The following FOXK1 variants were observed in gnomAD, a reference collection of about 807,000 sequenced individuals.
FOXK1 encodes the protein forkhead box protein K1.
A neutral mutation model predicts 51.9 loss-of-function variants in FOXK1; 19 were observed. The ratio of observed to expected loss-of-function variants is 0.37; its 90% CI spans 0.26 to 0.54. The LOEUF is 0.54. FOXK1 is among the 20% of genes least tolerant of loss of function. The pLI is 0.87. For synonymous variants in FOXK1, 537 were observed against 482.6 expected (o/e 1.11, Z -1.48); for missense variants, 870 against 1,032.7 (o/e 0.84, Z 2.16).
rs553540460 is a variant in FOXK1, at chr7:4,729,360, G to A, written c.561-11478G>A. Reference sequence around the variant, plus strand: ...GTCATCTGGGGGTCCCTTAGCCTCCGCAGAGTAAAGCTGTGGGAGTCACCA... The same window carrying A: ...GTCATCTGGGGGTCCCTTAGCCTCCACAGAGTAAAGCTGTGGGAGTCACCA... On this transcript the variant is annotated intron_variant, in intron 1 of 8. Transcript: ENST00000328914. The surrounding 1 kb of genome is among the most constrained non-coding windows in gnomAD (Gnocchi z 6.2). Among the ~76,000 whole-genome samples, 9 of 152,300 alleles carry A rather than the reference G, an allele frequency of 5.9e-5. No homozygotes were observed. In the South Asian group the frequency reaches 6.2e-4, roughly 11 times the overall value.
At position 4,707,391 on chromosome 7, in the gene FOXK1, C is replaced by T. The variant is rs1780115949; in HGVS notation, c.560+24523C>T. Among the ~76,000 whole-genome samples, 2 of 152,222 alleles carry T rather than the reference C, an allele frequency of 1.3e-5. 1 individual carries two copies. Among genetic ancestry groups the T allele is most frequent in the South Asian group, 4.1e-4 (2 of 4,834 alleles). On this transcript the variant is annotated intron_variant, in intron 1 of 8. Transcript: ENST00000328914. This position sits in a 1 kb window ranked among gnomAD's most constrained non-coding sequence, Gnocchi z 4.1. ...ACATAACAATTAAGCTAGTTTAGTA[C>T]ATCCGGCAATGCTGCTGAAAGCAGG...
Position 4,758,973 on chromosome 7 carries a change from A to C in FOXK1, c.1245-78A>C, listed in dbSNP as rs1216707350. 1.4e-6 allele frequency: 2 copies of C among 1,460,148 alleles called. No individual in the cohort carries two copies. The highest frequency in any genetic ancestry group is 1.4e-5 in the African/African-American group (1 of 70,814). The allele number at this position is 1,460,148 out of a possible 1,614,324, so 90.4% of individuals were successfully genotyped here. ...GGAGCGTGGGCGGGTGACGGCGCTG[A>C]GATGCGTGATGTCTCGGAAACGTCC... On this transcript the variant is annotated intron_variant, in intron 5 of 8. Coordinates refer to ENST00000328914, the MANE Select transcript of FOXK1 (RefSeq NM_001037165.2). This position sits in a 1 kb window ranked among gnomAD's most constrained non-coding sequence, Gnocchi z 4.4.
rs1043575999 is a variant in FOXK1 at position 4,715,382 on chromosome 7, G to A, written c.561-25456G>A. 3.3e-5 allele frequency among the ~76,000 whole-genome samples: 5 copies of A among 152,110 alleles called. No individual in the cohort carries two copies. Among genetic ancestry groups the A allele is most frequent in the African/African-American group, 1.2e-4 (5 of 41,416 alleles). On this transcript the variant is annotated intron_variant, in intron 1 of 8. Coordinates refer to ENST00000328914, the MANE Select transcript of FOXK1 (RefSeq NM_001037165.2). This position sits in a 1 kb window ranked among gnomAD's most constrained non-coding sequence, Gnocchi z 4.5. ...GGGCGCTCAGCTGTGGGTGGCCCGTGTACAGGAATGGGATCGCACGGTGGT... is the reference window on the plus strand; with the variant it reads ...GGGCGCTCAGCTGTGGGTGGCCCGTATACAGGAATGGGATCGCACGGTGGT...
intron 1 of FOXK1, among the ~76,000 whole-genome samples, chr7:4,693,172 T>C (rs1315882421): frequency 6.6e-6 from 1 of 152,230 alleles, no homozygotes; most frequent in African/African-American, 2.4e-5. Context: ...TTGATTGAGT[T>C]ATGCAGATCT....
intron 1 of FOXK1, among the ~76,000 whole-genome samples, chr7:4,724,423 T>C (rs950746974): frequency 3.3e-5 from 5 of 152,212 alleles, no homozygotes; most frequent in African/African-American, 7.2e-5. Flanking sequence ...CTCGAACTCC[T>C]GTTCTCAAGT....
Position 4,706,042 on chromosome 7 carries a change from ACG to A in FOXK1, c.560+23175_560+23176del, listed in dbSNP as rs1491242112. 3.8e-4 allele frequency among the ~76,000 whole-genome samples: 44 copies of A among 116,800 alleles called. 1 individual carries two copies. The highest frequency in any genetic ancestry group is 6.6e-4 in the Non-Finnish European group (42 of 63,634). 76.6% of individuals were successfully genotyped at this position (116,800 alleles called of 152,430 possible). On this transcript the variant is annotated intron_variant, in intron 1 of 8. Coordinates refer to ENST00000328914, the MANE Select transcript of FOXK1 (RefSeq NM_001037165.2). ...TATATACGTGTATATACGTGTATAT[ACG>A]TGTATATATGTATATATATGTGTAT... is the stretch of plus-strand genomic sequence containing the variant.
Position 4,701,410 on chromosome 7 carries a change from G to A in FOXK1, c.560+18542G>A, listed in dbSNP as rs537976881. Among the ~76,000 whole-genome samples, 4 of 152,222 alleles carry A rather than the reference G, an allele frequency of 2.6e-5. No homozygotes were observed. The East Asian group carries it at 7.7e-4, about 29-fold the overall frequency. ...TTTAGCCACCGTGCCCAGCCAATTC[G>A]TATGTATTTTAAGGTATTTTTTTAA... On this transcript the variant is annotated intron_variant, in intron 1 of 8. Transcript: ENST00000328914.
intron 2 of FOXK1, among the ~76,000 whole-genome samples, chr7:4,741,921 C>A (rs1213635076): frequency 6.6e-6 from 1 of 152,220 alleles, no homozygotes; most frequent in Non-Finnish European, 1.5e-5. Flanking sequence ...TGGCCCTGGT[C>A]CTGTCATACA....
In FOXK1 at chr7:4,729,935, A is replaced by G; in HGVS notation, c.561-10903A>G. 6.6e-6 allele frequency among the ~76,000 whole-genome samples: 1 copy of G among 152,110 alleles called. No individual in the cohort carries two copies. Among genetic ancestry groups the G allele is most frequent in the African/African-American group, 2.4e-5 (1 of 41,394 alleles). On this transcript the variant is annotated intron_variant, in intron 1 of 8. Transcript: ENST00000328914. The surrounding 1 kb of genome is among the most constrained non-coding windows in gnomAD (Gnocchi z 6.2). ...AACCCGGAAGGTGGAGTTTGCAGTGAGCTGAGATCCAGCCACTGCCCTCCA... is the reference window on the plus strand; with the variant it reads ...AACCCGGAAGGTGGAGTTTGCAGTGGGCTGAGATCCAGCCACTGCCCTCCA...
chr7:4,690,191 C>T lies in FOXK1; in HGVS notation c.560+7323C>T, dbSNP rs184302794. On this transcript the variant is annotated intron_variant, in intron 1 of 8. Transcript: ENST00000328914. The stretch of plus-strand genomic sequence containing the variant: ...GGAGCAGATCCAGGTGCAGGATCTG[C>T]TGAAGGAAGGAATGTTCCCGTTGGG... 3.5e-4 allele frequency among the ~76,000 whole-genome samples: 53 copies of T among 152,282 alleles called. 1 individual carries two copies. The highest frequency in any genetic ancestry group is 1.2e-3 in the African/African-American group (51 of 41,552).
chr7:4,762,745 T>C lies in FOXK1; in HGVS notation c.*281T>C. 2.3e-6 allele frequency: 1 copy of C among 427,302 alleles called. No homozygotes were observed. Among genetic ancestry groups the C allele is most frequent in the Admixed American group, 3.7e-5 (1 of 27,352 alleles). The allele number at this position is 427,302 out of a possible 1,614,324, so 26.5% of individuals were successfully genotyped here. On this transcript the variant is annotated 3_prime_UTR_variant, in exon 9 of 9. Transcript: ENST00000328914. The surrounding 1 kb of genome is among the most constrained non-coding windows in gnomAD (Gnocchi z 5.7). ...CGGCACCACCTCCTCTCCCCAGGCC[T>C]CCCTGTCGGGCATGGGGAGGAGGTT... is the stretch of plus-strand genomic sequence containing the variant.
chr7:4,700,776 C>T (rs1380976872), intron 1 of FOXK1, among the ~76,000 whole-genome samples: 2 of 152,026 alleles, frequency 1.3e-5, no homozygotes, highest in Admixed American at 6.6e-5. Context: ...ATAATCGCAC[C>T]ACTACACTGC....
intron 1 of FOXK1, among the ~76,000 whole-genome samples, chr7:4,724,018 C>G (rs1780347273): frequency 6.6e-6 from 1 of 152,086 alleles, no homozygotes; most frequent in Admixed American, 6.6e-5. Context: ...CTGCTGCCTA[C>G]TTTTTCGAGG....
In FOXK1 at chr7:4,715,548, A is replaced by T. The variant is rs946835799; in HGVS notation, c.561-25290A>T. Among the ~76,000 whole-genome samples the T allele has an allele frequency of 6.6e-6, 1 of 152,182 alleles. No homozygotes were observed. The highest frequency in any genetic ancestry group is 1.5e-5 in the Non-Finnish European group (1 of 68,034). On this transcript the variant is annotated intron_variant, in intron 1 of 8. Transcript: ENST00000328914. The surrounding 1 kb of genome is among the most constrained non-coding windows in gnomAD (Gnocchi z 4.5). Reference sequence around the variant, plus strand: ...TTCATCTATCAGCAGTCAGCTTTCCACTTAAGCAGAGCCAAGTTTAGAATG... The same window carrying T: ...TTCATCTATCAGCAGTCAGCTTTCCTCTTAAGCAGAGCCAAGTTTAGAATG...
At chr7:4,746,072 C>T (rs1325801029) in intron 2 of FOXK1, among the ~76,000 whole-genome samples, 1 of 152,100 alleles carries the variant, frequency 6.6e-6, no homozygotes, top group African/African-American at 2.4e-5. Flanking sequence ...CTCATGAGGG[C>T]AAGACTTCAA....
intron 7 of FOXK1, chr7:4,759,958 G>T (rs1388316996): frequency 6.5e-6 from 2 of 305,390 alleles, no homozygotes; most frequent in Non-Finnish European, 1.2e-5. Context: ...TTGAAGCCTG[G>T]AGGCAGAGGT....
rs1270195733 is a variant in FOXK1 at position 4,745,406 on chromosome 7, T to G, written c.746+4383T>G. On this transcript the variant is annotated intron_variant, in intron 2 of 8. Transcript: ENST00000328914. This position sits in a 1 kb window ranked among gnomAD's most constrained non-coding sequence, Gnocchi z 4.3. ...CCCCGCGCCACCCTGCGTCCTTCCT[T>G]TCCGTTTCTCGCAGGCCCTCGCTCC... 6.6e-6 allele frequency among the ~76,000 whole-genome samples: 1 copy of G among 152,028 alleles called. No individual in the cohort carries two copies.
chr7:4,759,531 C>CGCG lies in FOXK1; in HGVS notation c.1637_1639dup (p.Ala546dup). 2 of 1,561,040 alleles carry CGCG rather than the reference C, an allele frequency of 1.3e-6. No homozygotes were observed. Among genetic ancestry groups the CGCG allele is most frequent in the Non-Finnish European group, 1.7e-6 (2 of 1,159,722 alleles). On this transcript the variant is annotated inframe_insertion, in exon 7 of 9. Coordinates refer to ENST00000328914, the MANE Select transcript of FOXK1 (RefSeq NM_001037165.2). The stretch of plus-strand genomic sequence containing the variant: ...ACGGATACATCCTCACCAGCCAGGG[C>CGCG]GCGGCGGGGGGCTCCCATGATGCGG...
At chr7:4,697,925 A>G (rs188124021) in intron 1 of FOXK1, among the ~76,000 whole-genome samples, 2 of 152,030 alleles carry the variant, frequency 1.3e-5, no homozygotes, top group Admixed American at 1.3e-4. Flanking sequence ...CCTGGGTTCA[A>G]GTGATTCTCT....
Sources: gnomAD v4.1 joint callset for allele counts (sites outside exome capture counted in the v4.1 genomes callset) on GRCh38, gnomAD v4.1.1 for gene constraint, Gnocchi (gnomAD v3.1) non-coding constraint, MANE v1.5 for transcripts, NCBI Gene and HGNC (gene_info 2026-07-23, HGNC 2026-07-21) for gene names.